Variants in CENPI observed in about 807,000 individuals in gnomAD.
The protein encoded by CENPI is centromere protein I.
A neutral mutation model predicts 60.4 loss-of-function variants in CENPI; 4 were observed. The observed-to-expected ratio is 0.07, with a 90% CI of 0.03 to 0.15. CENPI has a LOEUF of 0.15. CENPI is among the 10% of genes least tolerant of loss of function. CENPI has a pLI of 1.00. For synonymous variants in CENPI, 157 were observed against 189.4 expected (o/e 0.83, Z 1.40); for missense variants, 444 against 534.5 (o/e 0.83, Z 1.67).
intron 5 of CENPI, 64 bp from the exon 6 acceptor site, chrX:101,109,827 C>T (rs1006126464): frequency 8.9e-6 from 7 of 787,508 alleles, no homozygotes; most frequent in East Asian, 3.2e-5. Context: ...GGACGGGGGG[C>T]GGAATTAAAC....
At chrX:101,151,690 C>T (rs113608227) in intron 20 of CENPI, among the ~76,000 whole-genome samples, 21 of 108,994 alleles carry the variant, frequency 1.9e-4, no homozygotes, top group African/African-American at 6.7e-5. Context: ...AAAAATTAGC[C>T]GGGCGTGGTG....
chrX:101,180,840 C>T, the CENPI span, among the ~76,000 whole-genome samples: 2 of 111,665 alleles, frequency 1.8e-5, no homozygotes, highest in East Asian at 2.8e-4. Flanking sequence ...GATCATGGCT[C>T]ACTGCAGCCT....
chrX:101,131,896 TAATA>T (rs1042927469), intron 13 of CENPI, among the ~76,000 whole-genome samples: 1 of 111,937 alleles, frequency 8.9e-6, no homozygotes, highest in Non-Finnish European at 1.9e-5. Context: ...TACCCCAAGA[TAATA>T]AATCTTATTT....
At chrX:101,161,959 GAGA>G (rs1419902081) in intron 21 of CENPI, among the ~76,000 whole-genome samples, 4 of 108,132 alleles carry the variant, frequency 3.7e-5, no homozygotes, top group Non-Finnish European at 7.6e-5. Flanking sequence ...TATTTTTTTT[GAGA>G]AGGAGTCTTG....
chrX:101,140,058 G>A (rs188293411), intron 15 of CENPI, among the ~76,000 whole-genome samples: 2 of 110,986 alleles, frequency 1.8e-5, no homozygotes, highest in Non-Finnish European at 3.8e-5. Context: ...GGATGGTCTC[G>A]ATCTGCTGAC....
intron 8 of CENPI, among the ~76,000 whole-genome samples, chrX:101,124,758 G>T (rs1400882025): frequency 9.0e-6 from 1 of 111,536 alleles, no homozygotes; most frequent in African/African-American, 3.3e-5. Flanking sequence ...TTTCCTTCCT[G>T]CCATCGTGTG....
At chrX:101,107,390 C>G (rs888902424) in intron 4 of CENPI, among the ~76,000 whole-genome samples, 3 of 109,951 alleles carry the variant, frequency 2.7e-5, no homozygotes, top group Non-Finnish European at 5.7e-5. Flanking sequence ...GAGTTTCACT[C>G]TTATTGCCCA....
chrX:101,162,465 A>ATATAT (rs1163171456), intron 21 of CENPI, among the ~76,000 whole-genome samples: 4 of 90,302 alleles, frequency 4.4e-5, no homozygotes, highest in African/African-American at 2.1e-4. Context: ...CAAAAAAAAA[A>ATATAT]AAAAAAAAAT....
In CENPI at chrX:101,164,413, A is replaced by G. The variant is rs2090135333; in HGVS notation, c.*1446A>G. ...AGAGGCATGATCTTGGCTCACTGCAACCTCTACTTTCTGGTTCAAGCAATT... is the reference window on the plus strand; with the variant it reads ...AGAGGCATGATCTTGGCTCACTGCAGCCTCTACTTTCTGGTTCAAGCAATT... On this transcript the variant is annotated 3_prime_UTR_variant, in exon 22 of 22. Coordinates refer to ENST00000682095, the MANE Select transcript of CENPI (RefSeq NM_001386188.2). 1.8e-5 allele frequency among the ~76,000 whole-genome samples: 2 copies of G among 111,007 alleles called. No individual in the cohort carries two copies. The highest frequency in any genetic ancestry group is 3.3e-5 in the African/African-American group (1 of 30,490).
intron 18 of CENPI, among the ~76,000 whole-genome samples, chrX:101,146,742 T>G (rs5967256): frequency 0.15 from 17,172 of 110,940 alleles, 976 homozygotes; most frequent in Middle Eastern, 0.24. Flanking sequence ...TCCATAAGCG[T>G]AGACTTTTTT....
intron 6 of CENPI, among the ~76,000 whole-genome samples, chrX:101,115,797 G>T (rs888755925): frequency 2.7e-5 from 3 of 111,406 alleles, no homozygotes; most frequent in Non-Finnish European, 5.7e-5. Flanking sequence ...TAACCATTAC[G>T]CAGTAACTCC....
At chrX:101,111,410 C>T (rs768374267) in intron 6 of CENPI, among the ~76,000 whole-genome samples, 7 of 110,506 alleles carry the variant, frequency 6.3e-5, no homozygotes, top group Non-Finnish European at 1.3e-4. Flanking sequence ...TCACTTTGTT[C>T]ACCTTAGCGT....
intron 20 of CENPI, among the ~76,000 whole-genome samples, chrX:101,158,272 C>CTTTTTT (rs35564589): frequency 6.1e-5 from 4 of 65,865 alleles, no homozygotes; most frequent in Admixed American, 1.8e-4. Flanking sequence ...GGCAGTATGG[C>CTTTTTT]TTTTTTTTTT....
rs775259715 is a variant in CENPI, at chrX:101,108,410, G to A, written c.365-1063G>A. Among the ~76,000 whole-genome samples the A allele has an allele frequency of 5.5e-5, 6 of 108,790 alleles. No homozygotes were observed. The South Asian group carries it at 2.4e-3, about 43-fold the overall frequency. The allele number at this position is 108,790 out of a possible 115,157, so 94.5% of individuals were successfully genotyped here. A position where few individuals can be genotyped will look rare whatever the true frequency, so the allele number is the denominator to read the frequency against. ...GGGGTCCTGCTATGTTGCCCAGGCT[G>A]GTCTCAAACTCCTGGGCTCAAGTGA... On this transcript the variant is annotated intron_variant, in intron 4 of 21. Coordinates refer to ENST00000682095, the MANE Select transcript of CENPI (RefSeq NM_001386188.2).
At chrX:101,166,956 C>T (rs1398757031), downstream of CENPI, among the ~76,000 whole-genome samples, 2 of 112,265 alleles carry the variant, frequency 1.8e-5, no homozygotes, top group Non-Finnish European at 3.8e-5. Flanking sequence ...GACGGGATTC[C>T]ACCATGTTGG....
At chrX:101,162,455 C>A (rs56396489) in intron 21 of CENPI, among the ~76,000 whole-genome samples, 10,549 of 53,563 alleles carry the variant, frequency 0.2, 941 homozygotes, top group South Asian at 0.32. Flanking sequence ...AACCGTATCT[C>A]AAAAAAAAAA....
chrX:101,141,885 C>T (rs2089918915), intron 16 of CENPI, among the ~76,000 whole-genome samples: 1 of 110,536 alleles, frequency 9.0e-6, no homozygotes, highest in African/African-American at 3.3e-5. Context: ...GCGTGCACCA[C>T]CACGCTTGGC....
chrX:101,150,731 T>C (rs909131631), intron 20 of CENPI, among the ~76,000 whole-genome samples: 1 of 111,262 alleles, frequency 9.0e-6, no homozygotes, highest in Admixed American at 9.7e-5. Flanking sequence ...TTCTATACTA[T>C]GAAAATCTCA....
chrX:101,169,996 T>C (rs2090153049), downstream of CENPI, among the ~76,000 whole-genome samples: 1 of 112,134 alleles, frequency 8.9e-6, no homozygotes, highest in Non-Finnish European at 1.9e-5. Flanking sequence ...AAAGTTACAG[T>C]AAGCTAAGGC....
Sources: gnomAD v4.1 joint callset for allele counts (sites outside exome capture counted in the v4.1 genomes callset) on GRCh38, gnomAD v4.1.1 for gene constraint, MANE v1.5 for transcripts, NCBI Gene and HGNC (gene_info 2026-07-23, HGNC 2026-07-21) for gene names.